CCSER1: variants seen among roughly 807,000 people sequenced by gnomAD.
CCSER1 encodes coiled-coil serine rich protein 1.
CCSER1 carries 41 observed loss-of-function variants against 82.0 expected under a neutral mutation model. That is an observed-to-expected ratio of 0.50 (90% CI 0.39 to 0.65). CCSER1 has a LOEUF of 0.65. CCSER1 is among the 30% of genes least tolerant of loss of function. CCSER1 has a pLI of 0.00. For missense variants in CCSER1, 1,119 were observed against 1,064.2 expected (o/e 1.05, Z -0.72); for synonymous variants, 414 against 383.9 (o/e 1.08, Z -0.92).
intron 10 of CCSER1, among the ~76,000 whole-genome samples, chr4:91,488,215 AT>A: frequency 6.6e-6 from 1 of 152,198 alleles, no homozygotes; most frequent in East Asian, 1.9e-4. Flanking sequence ...ACATTTGCCT[AT>A]TATCAAATAA....
chr4:90,524,878 A>G (rs111318109), intron 5 of CCSER1, among the ~76,000 whole-genome samples: 1,618 of 152,096 alleles, frequency 0.011, 25 homozygotes, highest in African/African-American at 0.037. Flanking sequence ...CTTTTTTTCA[A>G]TCAATCAAAT....
chr4:91,075,399 A>T (rs1721871867), intron 9 of CCSER1, among the ~76,000 whole-genome samples: 1 of 152,088 alleles, frequency 6.6e-6, no homozygotes. Flanking sequence ...TTCCAACCAC[A>T]TCCCCCAGAG....
chr4:90,187,052 G>A (rs1017000941), intron 1 of CCSER1, among the ~76,000 whole-genome samples: 3 of 151,816 alleles, frequency 2.0e-5, no homozygotes, highest in Non-Finnish European at 2.9e-5. Flanking sequence ...ATGGCTTAAT[G>A]TGCTGCACCT....
intron 10 of CCSER1, among the ~76,000 whole-genome samples, chr4:91,087,281 A>T (rs1723483522): frequency 1.3e-5 from 2 of 152,116 alleles, no homozygotes; most frequent in African/African-American, 4.8e-5. Flanking sequence ...TCTAATAGCA[A>T]CTTTGTGTCA....
At chr4:91,257,489 A>ACACG (rs1740785502) in intron 10 of CCSER1, among the ~76,000 whole-genome samples, 1 of 151,682 alleles carries the variant, frequency 6.6e-6, no homozygotes, top group Non-Finnish European at 1.5e-5. Flanking sequence ...ACACACACAC[A>ACACG]CACACACACA....
intron 10 of CCSER1, among the ~76,000 whole-genome samples, chr4:91,225,385 A>AT (rs1738111580): frequency 2.9e-5 from 4 of 139,360 alleles, no homozygotes; most frequent in Non-Finnish European, 6.2e-5. Context: ...TATATGATAT[A>AT]ATATATATAT....
chr4:90,829,461 A>G (rs1335874260), intron 8 of CCSER1, among the ~76,000 whole-genome samples: 3 of 152,154 alleles, frequency 2.0e-5, no homozygotes, highest in Non-Finnish European at 2.9e-5. Flanking sequence ...AATGCCAAAC[A>G]TGTTCATAAC....
intron 5 of CCSER1, among the ~76,000 whole-genome samples, chr4:90,593,027 G>C (rs1782893012): frequency 6.6e-6 from 1 of 152,090 alleles, no homozygotes; most frequent in Non-Finnish European, 1.5e-5. Flanking sequence ...AATATATACT[G>C]TAGAATTCTT....
intron 3 of CCSER1, among the ~76,000 whole-genome samples, chr4:90,349,100 T>C (rs1164045002): frequency 6.6e-6 from 1 of 152,160 alleles, no homozygotes; most frequent in Non-Finnish European, 1.5e-5. Context: ...TTCTGTTTTA[T>C]TTGCCTAAGA....
chr4:91,079,699 G>C (rs967346064), intron 9 of CCSER1, among the ~76,000 whole-genome samples: 1 of 152,100 alleles, frequency 6.6e-6, no homozygotes, highest in Non-Finnish European at 1.5e-5. Context: ...ACAAATATAG[G>C]CTCAAAATAA....
At chr4:90,904,647 G>A (rs112583179) in intron 8 of CCSER1, among the ~76,000 whole-genome samples, 1 of 152,070 alleles carries the variant, frequency 6.6e-6, no homozygotes, top group African/African-American at 2.4e-5. Flanking sequence ...AAGTATGTAT[G>A]TGTGACGGGA....
chr4:91,253,916 G>C (rs1218840680), intron 10 of CCSER1, among the ~76,000 whole-genome samples: 2 of 151,960 alleles, frequency 1.3e-5, no homozygotes, highest in African/African-American at 2.4e-5. Flanking sequence ...TCACTATCAC[G>C]AGGACAGTAT....
At chr4:90,229,883 C>A (rs1744092437) in intron 1 of CCSER1, among the ~76,000 whole-genome samples, 1 of 152,176 alleles carries the variant, frequency 6.6e-6, no homozygotes, top group Admixed American at 6.5e-5. Context: ...AAGGCCATTA[C>A]ATAATGGGAA....
intron 10 of CCSER1, among the ~76,000 whole-genome samples, chr4:91,430,680 G>A (rs1023896579): frequency 1.4e-4 from 22 of 152,082 alleles, no homozygotes; most frequent in African/African-American, 4.8e-5. Flanking sequence ...AATATCATTC[G>A]GCTAAGTTGA....
At chr4:91,355,207 T>G (rs1748742372) in intron 10 of CCSER1, among the ~76,000 whole-genome samples, 1 of 152,138 alleles carries the variant, frequency 6.6e-6, no homozygotes, top group Non-Finnish European at 1.5e-5. Context: ...TATACTTTTT[T>G]TTTTTAACTG....
At chr4:90,418,374 A>G (rs1756133814) in intron 4 of CCSER1, among the ~76,000 whole-genome samples, 2 of 152,076 alleles carry the variant, frequency 1.3e-5, no homozygotes, top group Non-Finnish European at 2.9e-5. Flanking sequence ...AACATTTTTA[A>G]ATATAGAATT....
At chr4:90,169,401 A>G (rs1050566853) in intron 1 of CCSER1, among the ~76,000 whole-genome samples, 1 of 152,112 alleles carries the variant, frequency 6.6e-6, no homozygotes, top group African/African-American at 2.4e-5. Flanking sequence ...TTTTCTAGGT[A>G]TACAATCATG....
intron 9 of CCSER1, among the ~76,000 whole-genome samples, chr4:91,071,965 C>T (rs910514330): frequency 6.6e-6 from 1 of 151,986 alleles, no homozygotes; most frequent in Admixed American, 6.6e-5. Context: ...GAAATAATAC[C>T]CCATAAAGTT....
chr4:90,131,961 A>G (rs939234964), intron 1 of CCSER1, among the ~76,000 whole-genome samples: 3 of 152,226 alleles, frequency 2.0e-5, no homozygotes, highest in African/African-American at 4.8e-5. Flanking sequence ...TACATTCAAT[A>G]TGACACCCCA....
Sources: allele counts gnomAD v4.1 joint callset (sites outside exome capture counted in the v4.1 genomes callset), GRCh38; gene constraint gnomAD v4.1.1; transcripts MANE v1.5; gene names NCBI Gene and HGNC (gene_info 2026-07-23, HGNC 2026-07-21).